CACNA2D3: variants seen among roughly 807,000 people sequenced by gnomAD.
The protein encoded by CACNA2D3 is voltage-dependent calcium channel subunit alpha-2/delta-3.
A neutral mutation model predicts 160.6 loss-of-function variants in CACNA2D3; 60 were observed. The observed-to-expected ratio is 0.37, with a 90% CI of 0.30 to 0.46. The LOEUF is 0.46. CACNA2D3 is among the 20% of genes least tolerant of loss of function. CACNA2D3 has a pLI of 1.00. For missense variants in CACNA2D3, 1,205 were observed against 1,365.0 expected (o/e 0.88, Z 1.85); for synonymous variants, 558 against 492.9 (o/e 1.13, Z -1.75).
chr3:55,031,009 A>G (rs1703677668), intron 35 of CACNA2D3, among the ~76,000 whole-genome samples: 2 of 152,170 alleles, frequency 1.3e-5, no homozygotes, highest in Admixed American at 1.3e-4. Flanking sequence ...TGTGTGGGGA[A>G]GAGGGGTGGG....
chr3:54,254,060 CG>C (rs1405298913), intron 2 of CACNA2D3, among the ~76,000 whole-genome samples: 1 of 152,112 alleles, frequency 6.6e-6, no homozygotes, highest in Non-Finnish European at 1.5e-5. Context: ...CAACTGCGCC[CG>C]GCCGATTTCC....
intron 35 of CACNA2D3, among the ~76,000 whole-genome samples, chr3:55,068,565 T>C (rs1704721823): frequency 6.6e-6 from 1 of 152,220 alleles, no homozygotes; most frequent in South Asian, 2.1e-4. Context: ...TGTAGCAGAA[T>C]TAAATATTCT....
intron 2 of CACNA2D3, among the ~76,000 whole-genome samples, chr3:54,196,363 G>T (rs992199332): frequency 3.3e-5 from 5 of 152,178 alleles, no homozygotes; most frequent in African/African-American, 9.7e-5. Context: ...ACAAAATAAG[G>T]CCTCTTAAGG....
At chr3:55,020,821 A>G (rs1703431269) in intron 35 of CACNA2D3, among the ~76,000 whole-genome samples, 1 of 151,930 alleles carries the variant, frequency 6.6e-6, no homozygotes, top group African/African-American at 2.4e-5. Context: ...ACTGCACTCC[A>G]GCCCGGCAAC....
chr3:54,835,789 G>A (rs1698664291), intron 14 of CACNA2D3, among the ~76,000 whole-genome samples: 1 of 152,194 alleles, frequency 6.6e-6, no homozygotes, highest in Non-Finnish European at 1.5e-5. Flanking sequence ...TGTCAGCAGT[G>A]CCTCCAGCCT....
intron 3 of CACNA2D3, among the ~76,000 whole-genome samples, chr3:54,366,024 G>A (rs1698822379): frequency 1.3e-5 from 2 of 152,312 alleles, no homozygotes; most frequent in African/African-American, 2.4e-5. Context: ...GGTATCCAGG[G>A]ATAGAAGGAG....
At chr3:54,253,399 G>A (rs928150267) in intron 2 of CACNA2D3, among the ~76,000 whole-genome samples, 2 of 152,154 alleles carry the variant, frequency 1.3e-5, no homozygotes, top group Non-Finnish European at 2.9e-5. Flanking sequence ...AAGGCAAAAG[G>A]GTAGCAGGCA....
At chr3:54,369,488 G>A (rs1698885947) in intron 3 of CACNA2D3, among the ~76,000 whole-genome samples, 1 of 152,148 alleles carries the variant, frequency 6.6e-6, no homozygotes, top group African/African-American at 2.4e-5. Flanking sequence ...TCCAGCTGCT[G>A]TCCCCACTGG....
chr3:54,572,740 TGTGGCTTGATC>T (rs1702520035), intron 8 of CACNA2D3, among the ~76,000 whole-genome samples: 1 of 152,226 alleles, frequency 6.6e-6, no homozygotes, highest in South Asian at 2.1e-4. Flanking sequence ...AGAATGCAAG[TGTGGCTTGATC>T]CCCACACATC....
At chr3:54,202,302 T>C (rs781433436) in intron 2 of CACNA2D3, among the ~76,000 whole-genome samples, 1 of 152,216 alleles carries the variant, frequency 6.6e-6, no homozygotes, top group Non-Finnish European at 1.5e-5. Context: ...TGCTGGTTTC[T>C]GAAATGTGGG....
At chr3:54,586,165 G>A (rs1702756722) in intron 9 of CACNA2D3, among the ~76,000 whole-genome samples, 2 of 151,180 alleles carry the variant, frequency 1.3e-5, no homozygotes, top group South Asian at 2.1e-4. Flanking sequence ...TTGGGAGGCT[G>A]AGGCAGGAGA....
At chr3:54,978,305 T>C (rs576972161) in intron 29 of CACNA2D3, among the ~76,000 whole-genome samples, 11 of 152,246 alleles carry the variant, frequency 7.2e-5, no homozygotes, top group Non-Finnish European at 1.5e-4. Flanking sequence ...CCGTCCCTTT[T>C]ATAAGAAAAC....
intron 3 of CACNA2D3, among the ~76,000 whole-genome samples, chr3:54,362,652 A>C (rs1209212996): frequency 6.6e-6 from 1 of 152,188 alleles, no homozygotes; most frequent in Non-Finnish European, 1.5e-5. Flanking sequence ...TAGAGTCACA[A>C]ATCCAGTGCC....
chr3:54,539,574 C>T (rs1701940002), intron 5 of CACNA2D3, among the ~76,000 whole-genome samples: 1 of 152,228 alleles, frequency 6.6e-6, no homozygotes, highest in Non-Finnish European at 1.5e-5. Flanking sequence ...GCTTTCCTGA[C>T]CAAAGTCATC....
At chr3:54,445,363 G>A (rs1458934270) in intron 4 of CACNA2D3, among the ~76,000 whole-genome samples, 1 of 152,198 alleles carries the variant, frequency 6.6e-6, no homozygotes, top group Non-Finnish European at 1.5e-5. Context: ...AAACATGCCT[G>A]CAACATGAGT....
chr3:54,296,006 C>T (rs1033604815), intron 2 of CACNA2D3, among the ~76,000 whole-genome samples: 1 of 152,108 alleles, frequency 6.6e-6, no homozygotes. Context: ...GTGCCTGGAG[C>T]ATGAGGGGAG....
In CACNA2D3 at chr3:54,968,409, A is replaced by G. The variant is rs961240865; in HGVS notation, c.2450-41A>G. The G allele has an allele frequency of 8.5e-6, 11 of 1,298,758 alleles. No individual in the cohort carries two copies. In the African/African-American group the frequency reaches 1.6e-4, roughly 19 times the overall value. 80.5% of individuals were successfully genotyped at this position (1,298,758 alleles called of 1,614,324 possible). ...ACGATAATCTTAAATAATTGTGTAAAGGGATCACTAATGCCTTGTTTTATT... is the reference window on the plus strand; with the variant it reads ...ACGATAATCTTAAATAATTGTGTAAGGGGATCACTAATGCCTTGTTTTATT... On this transcript the variant is annotated intron_variant, in intron 27 of 37. Transcript: ENST00000474759.
chr3:54,589,844 A>G (rs1488476835), intron 9 of CACNA2D3, among the ~76,000 whole-genome samples: 2 of 152,210 alleles, frequency 1.3e-5, no homozygotes, highest in African/African-American at 4.8e-5. Flanking sequence ...TTAAAACCAC[A>G]GTTAGATATC....
At chr3:54,298,993 G>C (rs923966308) in intron 2 of CACNA2D3, among the ~76,000 whole-genome samples, 11 of 145,406 alleles carry the variant, frequency 7.6e-5, no homozygotes, top group African/African-American at 2.5e-4. Flanking sequence ...AGAGGAAAGA[G>C]TATGGATGGG....
Sources: gnomAD v4.1 joint callset for allele counts (sites outside exome capture counted in the v4.1 genomes callset) on GRCh38, gnomAD v4.1.1 for gene constraint, MANE v1.5 for transcripts, NCBI Gene and HGNC (gene_info 2026-07-23, HGNC 2026-07-21) for gene names.